SENP6: variants seen among roughly 807,000 people sequenced by gnomAD.
SENP6 encodes SUMO specific peptidase 6, also known as sentrin-specific protease 6.
A neutral mutation model predicts 134.5 loss-of-function variants in SENP6; 41 were observed. The observed-to-expected ratio is 0.30, with a 90% CI of 0.24 to 0.40. The LOEUF (loss-of-function observed/expected upper bound fraction) is 0.40, where lower values mean the gene tolerates loss of function less well. Among genes scored for constraint, SENP6 ranks in the 10% least tolerant of loss-of-function variants. The probability of loss-of-function intolerance (pLI) is 1.00; values close to 1 mark genes in which losing one functional copy is unlikely to be tolerated. For missense variants in SENP6, 1,248 were observed against 1,312.5 expected (o/e 0.95, Z 0.76); for synonymous variants, 395 against 429.8 (o/e 0.92, Z 1.00).
At chr6:75,676,828 A>G (rs1045894966) in intron 13 of SENP6, 20 of 461,092 alleles carry the variant, frequency 4.3e-5, no homozygotes, top group Non-Finnish European at 6.1e-5. Context: ...GTTCCTTCCA[A>G]TAACTTAGGT....
chr6:75,688,576 CTG>C lies in SENP6; in HGVS notation c.2076-7225_2076-7224del, dbSNP rs375412427. Among the ~76,000 whole-genome samples, 50 of 152,050 alleles carry C rather than the reference CTG, an allele frequency of 3.3e-4. No individual in the cohort carries two copies. In the East Asian group the frequency reaches 7.5e-3, roughly 23 times the overall value. On this transcript the variant is annotated intron_variant, in intron 16 of 23. Transcript: ENST00000447266. ...AGGATTATATTCTATTTAGTTTAAA[CTG>C]TGCCCCCATTTCAAGGACACCATTT...
chr6:75,692,493 A>G (rs965663663), intron 16 of SENP6, among the ~76,000 whole-genome samples: 1 of 152,028 alleles, frequency 6.6e-6, no homozygotes, highest in African/African-American at 2.4e-5. Context: ...TGGGCATGGT[A>G]GTGCAGGCCT....
intron 2 of SENP6, among the ~76,000 whole-genome samples, chr6:75,622,595 GT>G (rs1768360152): frequency 6.6e-6 from 1 of 152,148 alleles, no homozygotes; most frequent in African/African-American, 2.4e-5. Context: ...ATTGTTTTTA[GT>G]TTTTTGATTT....
chr6:75,701,527 A>G (rs943433140), intron 18 of SENP6, among the ~76,000 whole-genome samples: 11 of 151,972 alleles, frequency 7.2e-5, no homozygotes, highest in African/African-American at 2.7e-4. Context: ...AGCCTTTCCT[A>G]TCTTAATAAC....
intron 9 of SENP6, among the ~76,000 whole-genome samples, chr6:75,663,802 T>C (rs2149865567): frequency 1.2e-5 from 1 of 86,552 alleles, no homozygotes; most frequent in East Asian, 3.8e-4. Context: ...TTCCTGCTGA[T>C]AGTGGGTTTT....
intron 7 of SENP6, among the ~76,000 whole-genome samples, chr6:75,649,661 C>T (rs1229679378): frequency 2.0e-5 from 3 of 151,930 alleles, no homozygotes; most frequent in East Asian, 1.9e-4. Flanking sequence ...GGATTACAGG[C>T]GCCTGCCACC....
intron 7 of SENP6, among the ~76,000 whole-genome samples, chr6:75,648,828 T>C (rs1770647033): frequency 6.6e-6 from 1 of 152,198 alleles, no homozygotes; most frequent in African/African-American, 2.4e-5. Flanking sequence ...TGAAGATCCC[T>C]ATAAGCTAAA....
intron 8 of SENP6, among the ~76,000 whole-genome samples, chr6:75,662,236 A>C (rs1014384398): frequency 1.1e-4 from 16 of 152,138 alleles, no homozygotes; most frequent in African/African-American, 3.9e-4. Flanking sequence ...TAATTTTGTA[A>C]AACGCCTTCC....
chr6:75,671,277 A>T (rs1159371379), intron 11 of SENP6, among the ~76,000 whole-genome samples: 1 of 152,076 alleles, frequency 6.6e-6, no homozygotes, highest in Non-Finnish European at 1.5e-5. Context: ...TTTTTTCTCT[A>T]ATGTATTCTA....
intron 16 of SENP6, among the ~76,000 whole-genome samples, chr6:75,684,215 T>TCA (rs1773668079): frequency 1.3e-5 from 2 of 152,222 alleles, no homozygotes; most frequent in Non-Finnish European, 1.5e-5. Context: ...TAATGGTGTA[T>TCA]AGGAATGCTT....
chr6:75,647,367 C>G (rs1216314973), intron 6 of SENP6: 1 of 165,738 alleles, frequency 6.0e-6, no homozygotes, highest in African/African-American at 2.4e-5. Flanking sequence ...TACTTTACAA[C>G]AAACATACTT....
rs1392552305 is a variant in SENP6 at position 75,716,296 on chromosome 6, A to C, written c.*702A>C. 1 of 152,012 alleles carries C rather than the reference A, an allele frequency of 6.6e-6. No individual in the cohort carries two copies. Among genetic ancestry groups the C allele is most frequent in the African/African-American group, 2.4e-5 (1 of 41,434 alleles). 9.4% of individuals were successfully genotyped at this position (152,012 alleles called of 1,614,324 possible). On this transcript the variant is annotated 3_prime_UTR_variant, in exon 24 of 24. Coordinates refer to ENST00000447266, the MANE Select transcript of SENP6 (RefSeq NM_015571.4). ...AAATGCATTTTTGAAGACATCAAAGACTCAGGTTAAAACTATTTTGGTAAG... is the reference window on the plus strand; with the variant it reads ...AAATGCATTTTTGAAGACATCAAAGCCTCAGGTTAAAACTATTTTGGTAAG...
chr6:75,661,501 G>T (rs1208507505), intron 8 of SENP6, among the ~76,000 whole-genome samples: 2 of 152,250 alleles, frequency 1.3e-5, no homozygotes, highest in Non-Finnish European at 2.9e-5. Flanking sequence ...TGTTACATAG[G>T]TAAACGTGTG....
chr6:75,634,831 T>C lies in SENP6; in HGVS notation c.458+20T>C. ...CCAAAGGTAAGAATTCTAATTGTCT[T>C]TGGTTAGTATATACATGGCATCTTC... On this transcript the variant is annotated intron_variant, in intron 5 of 23. Transcript: ENST00000447266. The C allele has an allele frequency of 8.7e-6, 13 of 1,486,282 alleles. No homozygotes were observed. Among genetic ancestry groups the C allele is most frequent in the Non-Finnish European group, 1.1e-5 (12 of 1,075,158 alleles). The allele number at this position is 1,486,282 out of a possible 1,614,324, so 92.1% of individuals were successfully genotyped here.
intron 18 of SENP6, 64 bp from the exon 19 acceptor site, chr6:75,702,581 T>A: frequency 7.4e-7 from 1 of 1,354,672 alleles, no homozygotes; most frequent in Non-Finnish European, 1.0e-6. Flanking sequence ...TTAATTGATA[T>A]GTATTGCCAA....
intron 17 of SENP6, among the ~76,000 whole-genome samples, chr6:75,696,768 A>G (rs1320271923): frequency 6.6e-6 from 1 of 152,098 alleles, no homozygotes; most frequent in Non-Finnish European, 1.5e-5. Context: ...GTGAGCCACC[A>G]TGCCCCACCT....
intron 10 of SENP6, among the ~76,000 whole-genome samples, chr6:75,667,369 A>G (rs1191096861): frequency 6.6e-6 from 1 of 152,214 alleles, no homozygotes; most frequent in African/African-American, 2.4e-5. Flanking sequence ...TAGGACAACT[A>G]TTTGTAATGC....
chr6:75,641,102 C>T (rs976178126), intron 6 of SENP6, among the ~76,000 whole-genome samples: 1 of 152,120 alleles, frequency 6.6e-6, no homozygotes, highest in African/African-American at 2.4e-5. Flanking sequence ...GAACCCACCT[C>T]CCTCCATCCT....
intron 1 of SENP6, among the ~76,000 whole-genome samples, chr6:75,612,222 G>A (rs1208541464): frequency 6.6e-6 from 1 of 152,186 alleles, no homozygotes; most frequent in Non-Finnish European, 1.5e-5. Flanking sequence ...GTAACATGGT[G>A]ACTCAAGGCT....
Sources: gnomAD v4.1 joint callset for allele counts (sites outside exome capture counted in the v4.1 genomes callset) on GRCh38, gnomAD v4.1.1 for gene constraint, MANE v1.5 for transcripts, NCBI Gene and HGNC (gene_info 2026-07-23, HGNC 2026-07-21) for gene names.